The following DNAH11 variants were observed in gnomAD, a reference collection of about 807,000 sequenced individuals.
DNAH11 encodes the protein axonemal beta dynein heavy chain 11.
In DNAH11, 442 loss-of-function variants were observed where a neutral mutation model predicts 526.0. The ratio of observed to expected loss-of-function variants is 0.84; its 90% CI spans 0.78 to 0.91. DNAH11 has a LOEUF of 0.91. Ranked by LOEUF, DNAH11 falls within the 40% of genes least tolerant of loss-of-function variation. The pLI is 0.00. For missense variants in DNAH11, 6,989 were observed against 5,448.7 expected, an observed-to-expected ratio of 1.28 and a Z score of -8.90; for synonymous variants, 2,461 against 1,935.9, an observed-to-expected ratio of 1.27 and a Z score of -7.12.
At chr7:21,726,890 A>AAAAAAAAAAAAAAAAAG in intron 45 of DNAH11, among the ~76,000 whole-genome samples, 1 of 117,616 alleles carries the variant, frequency 8.5e-6, no homozygotes, top group African/African-American at 3.2e-5. Flanking sequence ...AAAAAAAAAA[A>AAAAAAAAAAAAAAAAAG]AGAATGCTTA....
At position 21,606,443 on chromosome 7, in the gene DNAH11, G is replaced by A; in HGVS notation, c.3666G>A (p.Trp1222Ter). ...YIQLEELPER[W>*]ETTKKIAATV... ...TTTTGCAGGAATTACCTGAAAGATG[G>A]GAAACTACCAAAAAGATCGCAGCAA... is the stretch of plus-strand genomic sequence containing the variant. The change falls in exon 19 of 82, where the codon TGG (tryptophan) becomes TGA (stop). Residue 1222 changes from tryptophan to a stop codon, truncating the protein, a stop_gained. Transcript: ENST00000409508. LOFTEE classifies it high-confidence loss of function. The A allele has an allele frequency of 6.2e-7, 1 of 1,605,664 alleles. No homozygotes were observed. The highest frequency in any genetic ancestry group is 8.5e-7 in the Non-Finnish European group (1 of 1,177,868).
At chr7:21,696,927 A>G (rs73063727) in intron 35 of DNAH11, among the ~76,000 whole-genome samples, 21,170 of 152,188 alleles carry the variant, frequency 0.14, 1,548 homozygotes, top group East Asian at 0.21. Flanking sequence ...TATAAAATAC[A>G]TAGATATGCT....
At chr7:21,843,947 T>C (rs1782315082) in intron 66 of DNAH11, among the ~76,000 whole-genome samples, 1 of 152,206 alleles carries the variant, frequency 6.6e-6, no homozygotes, top group Non-Finnish European at 1.5e-5. Flanking sequence ...ATGTTAGAGA[T>C]TTATGGCCTA....
rs771158215 is a variant in DNAH11, at chr7:21,765,502, C to A, written c.9015C>A (p.Cys3005Ter). The A allele has an allele frequency of 6.2e-7, 1 of 1,613,902 alleles. No individual in the cohort carries two copies. Reference sequence around the variant, plus strand: ...GGAAGTTCCCAGCCATAGTTAACTGCACGGCTATTGACTGGTTTCATGCGT... The same window carrying A: ...GGAAGTTCCCAGCCATAGTTAACTGAACGGCTATTGACTGGTTTCATGCGT... Reference protein sequence around the residue: ...RARKFPAIVNCTAIDWFHAWP... With the variant: ...RARKFPAIVN The change falls in exon 55 of 82, where the codon TGC becomes TGA. Residue 3005 changes from cysteine (C) to a stop codon, truncating the protein, a stop_gained. Transcript: ENST00000409508. LOFTEE classifies it high-confidence loss of function.
rs913687604 is a variant in DNAH11 at position 21,736,723 on chromosome 7, A to T, written c.7645+879A>T. ...GCCAACTCAAGCCAGGTGTGGTGGT[A>T]CATGCTGGTAATCCCAGCTACTCAG... On this transcript the variant is annotated intron_variant, in intron 46 of 81. Transcript: ENST00000409508. Among the ~76,000 whole-genome samples, 3 of 152,158 alleles carry T rather than the reference A, an allele frequency of 2.0e-5. No homozygotes were observed. The East Asian group carries it at 5.8e-4, about 29-fold the overall frequency.
chr7:21,854,663 C>A (rs905250119), intron 68 of DNAH11, among the ~76,000 whole-genome samples: 1 of 152,082 alleles, frequency 6.6e-6, no homozygotes, highest in Admixed American at 6.5e-5. Context: ...ATGCCTCAGT[C>A]ACCTGAGTAG....
intron 30 of DNAH11, among the ~76,000 whole-genome samples, chr7:21,665,081 A>G (rs551891928): frequency 1.2e-4 from 17 of 145,660 alleles, no homozygotes; most frequent in African/African-American, 4.3e-4. Flanking sequence ...CTCTTTCTTT[A>G]TCTCTCTCTC....
chr7:21,583,694 G>A (rs1784390680), intron 9 of DNAH11, among the ~76,000 whole-genome samples: 1 of 152,036 alleles, frequency 6.6e-6, no homozygotes. Context: ...TCTGACAAAG[G>A]TCTAATATCC....
At chr7:21,843,224 GC>G (rs1392089231) in intron 66 of DNAH11, among the ~76,000 whole-genome samples, 1 of 152,030 alleles carries the variant, frequency 6.6e-6, no homozygotes, top group African/African-American at 2.4e-5. Flanking sequence ...AGAAAACAAA[GC>G]AACATAGCCT....
Position 21,654,367 on chromosome 7 carries a change from C to G in DNAH11, c.4945-1465C>G, listed in dbSNP as rs1206768350. On this transcript the variant is annotated intron_variant, in intron 28 of 81. Coordinates refer to ENST00000409508, the MANE Select transcript of DNAH11 (RefSeq NM_001277115.2). ...GTGGTATATTGTGACTAGTTTCTTT[C>G]ATTTAGCTTATATTTTCAAGATTCA... Among the ~76,000 whole-genome samples, 3 of 152,082 alleles carry G rather than the reference C, an allele frequency of 2.0e-5. No homozygotes were observed. The East Asian group carries it at 5.8e-4, about 29-fold the overall frequency.
chr7:21,702,529 A>G (rs962876242), intron 36 of DNAH11, among the ~76,000 whole-genome samples, 181 bp from the exon 37 acceptor site: 1 of 152,134 alleles, frequency 6.6e-6, no homozygotes, highest in Admixed American at 6.5e-5. Flanking sequence ...TGAAAGAAAC[A>G]GGACGACACT....
intron 28 of DNAH11, among the ~76,000 whole-genome samples, chr7:21,641,553 A>C (rs1787131377): frequency 6.6e-6 from 1 of 152,196 alleles, no homozygotes; most frequent in South Asian, 2.1e-4. Flanking sequence ...AAGATCACTC[A>C]ATGAATTCTT....
chr7:21,782,079 A>G (rs143734456), intron 57 of DNAH11, among the ~76,000 whole-genome samples: 109 of 152,332 alleles, frequency 7.2e-4, no homozygotes, highest in African/African-American at 2.5e-3. Flanking sequence ...GGTCTTCAAA[A>G]TATGAATTTT....
intron 33 of DNAH11, 56 bp from the exon 34 acceptor site, chr7:21,687,326 A>G (rs1265518529): frequency 1.9e-6 from 3 of 1,573,898 alleles, no homozygotes; most frequent in East Asian, 4.5e-5. Context: ...ATTATTCAAT[A>G]TAATAGCGTA....
intron 40 of DNAH11, among the ~76,000 whole-genome samples, chr7:21,709,928 G>C (rs1005175824): frequency 2.6e-5 from 4 of 152,100 alleles, no homozygotes; most frequent in African/African-American, 7.2e-5. Context: ...AGATTTACTA[G>C]AGCTTGAAAA....
intron 61 of DNAH11, among the ~76,000 whole-genome samples, chr7:21,797,827 G>GA (rs140254306): frequency 6.6e-6 from 1 of 152,004 alleles, no homozygotes; most frequent in African/African-American, 2.4e-5. Flanking sequence ...TTCATTCAAT[G>GA]AAAAAAAGGA....
chr7:21,900,166 T>TAAG, intron 81 of DNAH11, 46 bp downstream of exon 81: 1 of 1,568,780 alleles, frequency 6.4e-7, no homozygotes, highest in South Asian at 1.2e-5. Context: ...CTTACTCAGG[T>TAAG]TCAGATCAGT....
At chr7:21,764,992 AT>A (rs1436765298) in intron 54 of DNAH11, among the ~76,000 whole-genome samples, 1 of 152,308 alleles carries the variant, frequency 6.6e-6, no homozygotes, top group East Asian at 1.9e-4. Flanking sequence ...ATGATAAGAC[AT>A]TGTTTTTAAA....
chr7:21,627,263 G>A (rs1032666586), intron 25 of DNAH11, among the ~76,000 whole-genome samples: 4 of 152,148 alleles, frequency 2.6e-5, no homozygotes, highest in Non-Finnish European at 5.9e-5. Context: ...CTGTGCAGAA[G>A]CATTTTGTCT....
Sources: gnomAD v4.1 joint callset for allele counts (sites outside exome capture counted in the v4.1 genomes callset) on GRCh38, gnomAD v4.1.1 for gene constraint, MANE v1.5 for transcripts, NCBI Gene and HGNC (gene_info 2026-07-23, HGNC 2026-07-21) for gene names.